KIF17: variants seen among roughly 807,000 people sequenced by gnomAD.
KIF17 encodes the protein kinesin family member 17, also known as kinesin-like protein KIF17.
In KIF17, 80 loss-of-function variants were observed where a neutral mutation model predicts 96.8. That is an observed-to-expected ratio of 0.83 (90% confidence interval 0.69 to 1.00). The LOEUF (loss-of-function observed/expected upper bound fraction) is 1.00, where lower values mean the gene tolerates loss of function less well. KIF17 is among the 50% of genes least tolerant of loss of function. The probability of loss-of-function intolerance (pLI) is 0.00; values close to 1 mark genes in which losing one functional copy is unlikely to be tolerated. For synonymous variants in KIF17, 567 were observed against 587.5 expected (o/e 0.97, Z 0.51); for missense variants, 1,280 against 1,372.9 (o/e 0.93, Z 1.07).
At chr1:20,696,348 G>T (rs540091482) in intron 6 of KIF17, among the ~76,000 whole-genome samples, 8 of 152,220 alleles carry the variant, frequency 5.3e-5, no homozygotes, top group African/African-American at 1.7e-4. Context: ...CAGGAGGGAC[G>T]CAGGGATAGC....
intron 13 of KIF17, among the ~76,000 whole-genome samples, chr1:20,670,103 A>G (rs2053614584): frequency 6.6e-6 from 1 of 151,886 alleles, no homozygotes; most frequent in Admixed American, 6.6e-5. Flanking sequence ...GAGGATTACC[A>G]GCAGGAAACC....
At position 20,710,456 on chromosome 1, in the gene KIF17, A is replaced by C. The variant is rs1175555669; in HGVS notation, c.481-628T>G. Among the ~76,000 whole-genome samples, 4 of 152,350 alleles carry C rather than the reference A, an allele frequency of 2.6e-5. No individual in the cohort carries two copies. The East Asian group carries it at 7.7e-4, about 29-fold the overall frequency. The stretch of plus-strand genomic sequence containing the variant: ...GGCCCCCAGCCCTCAGGGCGATGGC[A>C]GCAGTAAATTAATTTATCTGATGGC... On this transcript the variant is annotated intron_variant, in intron 3 of 14. Transcript: ENST00000400463.
In KIF17 at chr1:20,715,536, C is replaced by A. The variant is rs1287560260; in HGVS notation, c.335G>T (p.Gly112Val). 6.2e-6 allele frequency: 10 copies of A among 1,613,640 alleles called. No individual in the cohort carries two copies. Among genetic ancestry groups the A allele is most frequent in the Non-Finnish European group, 8.5e-6 (10 of 1,180,032 alleles). ...GTGCTCGAAGGCCCTGGGGATGATG[C>A]CTCTCTGGGAGGGCGGATCCGGCAG... ...QGLPDPPSQR[G>V]IIPRAFEHVF... The change falls in exon 2 of 15, where the codon GGC becomes GTC. Residue 112 changes from glycine to valine, a missense_variant. Transcript: ENST00000400463.
At chr1:20,663,067 CA>C (rs2053463916), downstream of KIF17, among the ~76,000 whole-genome samples, 1 of 152,014 alleles carries the variant, frequency 6.6e-6, no homozygotes, top group South Asian at 2.1e-4. Flanking sequence ...ATCTCTAATA[CA>C]AAAAATTTAG....
At chr1:20,667,248 T>C (rs1316669683) in intron 13 of KIF17, among the ~76,000 whole-genome samples, 1 of 152,110 alleles carries the variant, frequency 6.6e-6, no homozygotes. Flanking sequence ...GTGGTGGCAT[T>C]AGATTCTCAT....
rs533008982 is a variant in KIF17, at chr1:20,699,702, G to A, written c.1124-1214C>T. On this transcript the variant is annotated intron_variant, in intron 5 of 14. Coordinates refer to ENST00000400463, the MANE Select transcript of KIF17 (RefSeq NM_001122819.3). The surrounding 1 kb of genome is among the most constrained non-coding windows in gnomAD (Gnocchi z 4.3). ...CTAGACAGGGGGAGCTTGCTAGACA[G>A]GGGGAGCGGTGAGTGCGAGGGCCCT... Among the ~76,000 whole-genome samples, 12 of 144,644 alleles carry A rather than the reference G, an allele frequency of 8.3e-5. No homozygotes were observed. The East Asian group carries it at 1.4e-3, about 16-fold the overall frequency. The allele number at this position is 144,644 out of a possible 152,430, so 94.9% of individuals were successfully genotyped here. A position where few individuals can be genotyped will look rare whatever the true frequency, so the allele number is the denominator to read the frequency against.
intron 1 of KIF17, among the ~76,000 whole-genome samples, chr1:20,716,016 G>A (rs2054572161): frequency 6.6e-6 from 1 of 152,210 alleles, no homozygotes; most frequent in Admixed American, 6.5e-5. Context: ...GAAGGCTGAG[G>A]TGGGCAGATT....
Position 20,684,862 on chromosome 1 carries a change from T to C in KIF17, c.2178A>G (p.Ala726=), listed in dbSNP as rs61750850. Residue 726 remains alanine (A), a synonymous_variant, in exon 10 of 15, where the codon GCA becomes GCG. Coordinates refer to ENST00000400463, the MANE Select transcript of KIF17 (RefSeq NM_001122819.3). ...VKRESVGMEV[A]VLTDDPLPVV... ...CGGGCAGCGGGTCATCAGTCAGCACTGCCACCTCCATGCCCACGCTCTCCC... is the reference window on the plus strand; with the variant it reads ...CGGGCAGCGGGTCATCAGTCAGCACCGCCACCTCCATGCCCACGCTCTCCC... 77,373 of 1,597,288 alleles carry C rather than the reference T, an allele frequency of 0.048. 1,936 individuals are homozygous for C. The highest frequency in any genetic ancestry group is 0.057 in the Middle Eastern group (335 of 5,884).
chr1:20,676,770 G>A (rs952355008), intron 11 of KIF17, among the ~76,000 whole-genome samples: 4 of 152,124 alleles, frequency 2.6e-5, no homozygotes, highest in African/African-American at 7.2e-5. Flanking sequence ...GGCGAAGGTT[G>A]CAGTGAGTCG....
At chr1:20,662,203 C>T (rs2053446547), downstream of KIF17, among the ~76,000 whole-genome samples, 1 of 152,214 alleles carries the variant, frequency 6.6e-6, no homozygotes, top group African/African-American at 2.4e-5. Context: ...CACTTAGCGC[C>T]GGGCTAGAGT....
At chr1:20,714,326 C>T (rs1160836709) in intron 2 of KIF17, among the ~76,000 whole-genome samples, 3 of 130,738 alleles carry the variant, frequency 2.3e-5, no homozygotes, top group African/African-American at 8.6e-5. Context: ...GACTCCGTCT[C>T]AAAAAAAAAA....
intron 11 of KIF17, among the ~76,000 whole-genome samples, chr1:20,682,303 G>A (rs1034981656): frequency 1.3e-5 from 2 of 152,202 alleles, no homozygotes; most frequent in Non-Finnish European, 2.9e-5. Context: ...GTGTCACACT[G>A]CAGGCACTTA....
rs1279511579 is a variant in KIF17 at position 20,672,415 on chromosome 1, CCTG to C, written c.2464-222_2464-220del. On this transcript the variant is annotated intron_variant, in intron 11 of 14. Coordinates refer to ENST00000400463, the MANE Select transcript of KIF17 (RefSeq NM_001122819.3). The surrounding 1 kb of genome is among the most constrained non-coding windows in gnomAD (Gnocchi z 4.3). ...CTGATCCTTCCGTCTATCCAATCAC[CCTG>C]CTGTCTCTCCACCCAGCATTTAAAT... is the stretch of plus-strand genomic sequence containing the variant. 6.6e-6 allele frequency among the ~76,000 whole-genome samples: 1 copy of C among 152,142 alleles called. No homozygotes were observed. The highest frequency in any genetic ancestry group is 1.5e-5 in the Non-Finnish European group (1 of 68,028).
intron 10 of KIF17, among the ~76,000 whole-genome samples, chr1:20,684,182 C>G (rs970946944): frequency 3.9e-5 from 6 of 152,250 alleles, no homozygotes; most frequent in African/African-American, 1.4e-4. Context: ...CTTGGCCCTG[C>G]CTGTCCTCCG....
In KIF17 at chr1:20,685,219, G is replaced by T; in HGVS notation, c.2020-199C>A. On this transcript the variant is annotated intron_variant, in intron 9 of 14. Transcript: ENST00000400463. The surrounding 1 kb of genome is among the most constrained non-coding windows in gnomAD (Gnocchi z 4.1). ...CCGCTATTCCCACTGACACCCCCAC[G>T]CTAGGAGGAAGGCTCCCAGCTTCCT... 2.9e-6 allele frequency: 2 copies of T among 698,320 alleles called. No homozygotes were observed. Among genetic ancestry groups the T allele is most frequent in the East Asian group, 2.7e-5 (1 of 36,754 alleles). The allele number at this position is 698,320 out of a possible 1,614,324, so 43.3% of individuals were successfully genotyped here. A position where few individuals can be genotyped will look rare whatever the true frequency, so the allele number is the denominator to read the frequency against.
intron 5 of KIF17, among the ~76,000 whole-genome samples, chr1:20,701,663 A>AG (rs1233168135): frequency 6.6e-6 from 1 of 152,014 alleles, no homozygotes; most frequent in Non-Finnish European, 1.5e-5. Flanking sequence ...GCAGGAAGGG[A>AG]GCCAGGGCAG....
At chr1:20,696,128 A>C (rs2054133828) in intron 6 of KIF17, among the ~76,000 whole-genome samples, 1 of 152,146 alleles carries the variant, frequency 6.6e-6, no homozygotes, top group African/African-American at 2.4e-5. Flanking sequence ...GGACTTGCAG[A>C]AGGCTGGACG....
chr1:20,686,326 C>T (rs2053938417), intron 8 of KIF17, 200 bp from the exon 9 acceptor site: 1 of 634,530 alleles, frequency 1.6e-6, no homozygotes, highest in Non-Finnish European at 2.9e-6. Context: ...AAACGGAAGA[C>T]AGGCGTGTGG....
intron 3 of KIF17, among the ~76,000 whole-genome samples, chr1:20,711,048 G>A (rs541207323): frequency 2.0e-5 from 3 of 152,122 alleles, no homozygotes; most frequent in Non-Finnish European, 4.4e-5. Flanking sequence ...TGGCCTGAGG[G>A]CACCTTGTTC....
Sources: gnomAD v4.1 joint callset for allele counts (sites outside exome capture counted in the v4.1 genomes callset) on GRCh38, gnomAD v4.1.1 for gene constraint, Gnocchi (gnomAD v3.1) non-coding constraint, MANE v1.5 for transcripts, NCBI Gene and HGNC (gene_info 2026-07-23, HGNC 2026-07-21) for gene names.